LDLRAD4: variants seen among roughly 807,000 people sequenced by gnomAD.
LDLRAD4 encodes the protein low-density lipoprotein receptor class A domain-containing protein 4.
In LDLRAD4, 5 loss-of-function variants were observed where a neutral mutation model predicts 17.0. The observed-to-expected ratio is 0.29, with a 90% CI of 0.15 to 0.62. LDLRAD4 has a LOEUF of 0.62. Ranked by LOEUF, LDLRAD4 falls within the 20% of genes least tolerant of loss-of-function variation. The pLI is 0.84. For synonymous variants in LDLRAD4, 168 were observed against 171.8 expected (o/e 0.98, Z 0.17); for missense variants, 340 against 424.7 (o/e 0.80, Z 1.75).
intron 3 of LDLRAD4, chr18:13,614,580 T>A (rs1172431308): frequency 1.3e-5 from 2 of 152,242 alleles, no homozygotes; most frequent in Non-Finnish European, 2.9e-5. Flanking sequence ...GAAGTCATTC[T>A]TGTAACACAG....
In LDLRAD4 at chr18:13,612,511, G is replaced by A. The variant is rs1464370474; in HGVS notation, c.182-8606G>A. On this transcript the variant is annotated intron_variant, in intron 3 of 5. Coordinates refer to ENST00000359446, the Ensembl canonical transcript of LDLRAD4. ...ACCTGGGGTGGGCCCTGCTGATACA[G>A]TAGAGAGAGAGTGAACGAGGCAGAC... 3.5e-6 allele frequency: 5 copies of A among 1,418,448 alleles called. No homozygotes were observed. The African/African-American group carries it at 5.8e-5, about 16-fold the overall frequency. The allele number at this position is 1,418,448 out of a possible 1,614,324, so 87.9% of individuals were successfully genotyped here.
chr18:13,444,003 A>C (rs1239074315), intron 3 of LDLRAD4, among the ~76,000 whole-genome samples: 1 of 152,202 alleles, frequency 6.6e-6, no homozygotes, highest in Non-Finnish European at 1.5e-5. Context: ...GGGGTTGCAA[A>C]ACAGTCAACC....
At chr18:13,518,913 G>A (rs1426118256) in intron 3 of LDLRAD4, among the ~76,000 whole-genome samples, 4 of 152,130 alleles carry the variant, frequency 2.6e-5, no homozygotes, top group Admixed American at 1.3e-4. Flanking sequence ...GAAGGGTCTC[G>A]GGGATGAATT....
chr18:13,434,820 A>G (rs1363146611), intron 2 of LDLRAD4, among the ~76,000 whole-genome samples: 4 of 152,244 alleles, frequency 2.6e-5, no homozygotes, highest in African/African-American at 9.6e-5. Flanking sequence ...AAACATTCCA[A>G]TAAAATACCA....
intron 3 of LDLRAD4, among the ~76,000 whole-genome samples, chr18:13,560,977 T>C (rs2094534217): frequency 6.6e-6 from 1 of 152,240 alleles, no homozygotes; most frequent in Non-Finnish European, 1.5e-5. Context: ...AGCCTCGTTC[T>C]GATTTTTATG....
intron 1 of LDLRAD4, among the ~76,000 whole-genome samples, chr18:13,266,350 C>A (rs1031747473): frequency 8.5e-5 from 13 of 152,198 alleles, no homozygotes; most frequent in African/African-American, 3.1e-4. Context: ...TGGCTTCATT[C>A]CTCCTGCACA....
At chr18:13,518,075 G>A (rs988333706) in intron 3 of LDLRAD4, among the ~76,000 whole-genome samples, 2 of 152,120 alleles carry the variant, frequency 1.3e-5, no homozygotes, top group African/African-American at 2.4e-5. Context: ...TTGTTATTTT[G>A]TGAGATTCCT....
intron 3 of LDLRAD4, 168 bp from the exon 5 acceptor site, chr18:13,620,949 G>A: frequency 1.1e-6 from 1 of 951,772 alleles, no homozygotes; most frequent in Non-Finnish European, 1.6e-6. Context: ...GTGCCGTGGT[G>A]TCTCCTTCCC....
chr18:13,642,497 G>A, intron 4 of LDLRAD4: 2 of 1,221,496 alleles, frequency 1.6e-6, no homozygotes, highest in Non-Finnish European at 2.0e-6. Context: ...TTTGAAAAAG[G>A]ATGCTAACTC....
At chr18:13,467,148 G>A (rs181680467) in intron 3 of LDLRAD4, among the ~76,000 whole-genome samples, 7 of 152,228 alleles carry the variant, frequency 4.6e-5, no homozygotes, top group Admixed American at 6.5e-5. Flanking sequence ...TCTAGCCAGA[G>A]CAACTAGACA....
chr18:13,437,330 G>A (rs2090730710), intron 2 of LDLRAD4, among the ~76,000 whole-genome samples: 1 of 152,214 alleles, frequency 6.6e-6, no homozygotes, highest in African/African-American at 2.4e-5. Flanking sequence ...AGCTTCTGTG[G>A]TTTCCTAGGG....
chr18:13,325,430 C>G (rs1207443643), intron 1 of LDLRAD4, among the ~76,000 whole-genome samples: 3 of 152,192 alleles, frequency 2.0e-5, no homozygotes, highest in Non-Finnish European at 4.4e-5. Flanking sequence ...CAGTCCACTC[C>G]CTTGGTGGAA....
At chr18:13,585,327 G>T (rs762594601) in intron 3 of LDLRAD4, 1 of 152,152 alleles carries the variant, frequency 6.6e-6, no homozygotes, top group Non-Finnish European at 1.5e-5. Flanking sequence ...TATCTTCGGT[G>T]ATAAATAACA....
chr18:13,288,354 T>TG (rs2045752038), intron 1 of LDLRAD4, among the ~76,000 whole-genome samples: 1 of 152,204 alleles, frequency 6.6e-6, no homozygotes, highest in Admixed American at 6.5e-5. Flanking sequence ...AAAGGACACG[T>TG]GTATTGAAAC....
chr18:13,240,703 C>T (rs1252845941), intron 1 of LDLRAD4: 2 of 152,362 alleles, frequency 1.3e-5, no homozygotes, highest in Admixed American at 6.5e-5. Flanking sequence ...CTGTTCTCCT[C>T]ATGGACCAGG....
chr18:13,455,782 G>A (rs1163016156), intron 3 of LDLRAD4, among the ~76,000 whole-genome samples: 1 of 152,092 alleles, frequency 6.6e-6, no homozygotes, highest in Admixed American at 6.5e-5. Flanking sequence ...GCCATTTCTG[G>A]TGATCTAACA....
exon 6 of LDLRAD4, chr18:13,646,186 T>G (rs891576654): frequency 6.5e-6 from 1 of 152,794 alleles, no homozygotes; most frequent in Admixed American, 6.5e-5. Context: ...AGTGGAGAAG[T>G]TAGATGAGTG....
At chr18:13,287,795 T>C (rs2045716983) in intron 1 of LDLRAD4, among the ~76,000 whole-genome samples, 19 of 152,200 alleles carry the variant, frequency 1.2e-4, no homozygotes, top group Admixed American at 1.2e-3. Context: ...GTAATTAATA[T>C]AAGCTTCCTA....
rs200235216 is a variant in LDLRAD4 at position 13,645,314 on chromosome 18, A to C, written c.578A>C (p.Asp193Ala). Reference sequence around the variant, plus strand: ...GGGCCCTGCACCCTGCAGCTCCGGGACCCTGAACAGCAGATGGAACTCAAC... The same window carrying C: ...GGGCCCTGCACCCTGCAGCTCCGGGCCCCTGAACAGCAGATGGAACTCAAC... The change falls in exon 6 of 6, where the codon GAC (aspartate) becomes GCC (alanine). Residue 193 changes from aspartate to alanine, a missense_variant. Asp to Ala is a moderately radical substitution (Grantham distance 126). Coordinates refer to ENST00000359446, the Ensembl canonical transcript of LDLRAD4. The surrounding 1 kb of genome is among the most constrained non-coding windows in gnomAD (Gnocchi z 5.7). The C allele has an allele frequency of 2.2e-5, 35 of 1,614,122 alleles. No homozygotes were observed. In the Admixed American group the frequency reaches 3.7e-4, roughly 17 times the overall value.
Sources: allele counts gnomAD v4.1 joint callset (sites outside exome capture counted in the v4.1 genomes callset), GRCh38; gene constraint gnomAD v4.1.1; non-coding constraint Gnocchi (gnomAD v3.1); transcripts MANE v1.5; gene names NCBI Gene and HGNC (gene_info 2026-07-23, HGNC 2026-07-21).